The following SLC30A5 variants were observed in gnomAD, a reference collection of about 807,000 sequenced individuals.
SLC30A5 encodes solute carrier family 30 member 5.
In SLC30A5, 33 loss-of-function variants were observed where a neutral mutation model predicts 79.6. That is an observed-to-expected ratio of 0.41 (90% CI 0.31 to 0.55). SLC30A5 has a LOEUF of 0.55. SLC30A5 is among the 20% of genes least tolerant of loss of function. The pLI is 0.20. For missense variants in SLC30A5, 788 were observed against 928.1 expected (o/e 0.85, Z 1.96); for synonymous variants, 299 against 319.7 (o/e 0.94, Z 0.69).
intron 12 of SLC30A5, 131 bp from the exon 13 acceptor site, chr5:69,121,563 T>C: frequency 1.6e-6 from 1 of 619,724 alleles, no homozygotes; most frequent in Non-Finnish European, 2.7e-6. Context: ...TTACTGAAAC[T>C]TAGTAAGGTT....
At chr5:69,104,338 C>T (rs1035051809) in intron 3 of SLC30A5, 3 of 572,674 alleles carry the variant, frequency 5.2e-6, no homozygotes, top group Admixed American at 4.6e-5. Context: ...GGGCTTCATT[C>T]ACCACATTGG....
At position 69,104,032 on chromosome 5, in the gene SLC30A5, T is replaced by A. The variant is rs1746009354; in HGVS notation, c.274-599T>A. 4 of 1,565,868 alleles carry A rather than the reference T, an allele frequency of 2.6e-6. No individual in the cohort carries two copies. In the East Asian group the frequency reaches 9.0e-5, roughly 35 times the overall value. ...AAAAAGTTAAATGATCCTAGGAAAC[T>A]AGTGGGAAACTGAGAAATCATAAAA... On this transcript the variant is annotated intron_variant, in intron 3 of 15. Coordinates refer to ENST00000396591, the MANE Select transcript of SLC30A5 (RefSeq NM_022902.5).
intron 2 of SLC30A5, among the ~76,000 whole-genome samples, chr5:69,101,465 G>C (rs1467873504): frequency 6.6e-6 from 1 of 151,340 alleles, no homozygotes; most frequent in Non-Finnish European, 1.5e-5. Context: ...TTTTAATAGA[G>C]ACAGGGTTTC....
At chr5:69,114,733 C>A (rs1167196762) in intron 7 of SLC30A5, among the ~76,000 whole-genome samples, 1 of 152,130 alleles carries the variant, frequency 6.6e-6, no homozygotes, top group Admixed American at 6.5e-5. Flanking sequence ...GGCATGGTGG[C>A]ACATGCCTGT....
intron 4 of SLC30A5, among the ~76,000 whole-genome samples, chr5:69,107,614 A>C (rs2111957924): frequency 6.6e-6 from 1 of 152,298 alleles, no homozygotes; most frequent in East Asian, 1.9e-4. Flanking sequence ...GTAATGCATT[A>C]ACACTAGGTG....
chr5:69,129,367 C>A, intron 15 of SLC30A5, 80 bp from the exon 16 acceptor site: 1 of 967,262 alleles, frequency 1.0e-6, no homozygotes, highest in African/African-American at 1.7e-5. Flanking sequence ...CAACCCGTAT[C>A]AACTATGTAC....
Position 69,117,295 on chromosome 5 carries a change from C to T in SLC30A5, c.1338C>T (p.Ile446=). 6.2e-7 allele frequency: 1 copy of T among 1,613,764 alleles called. No individual in the cohort carries two copies. The highest frequency in any genetic ancestry group is 8.5e-7 in the Non-Finnish European group (1 of 1,179,888). Residue 446 remains isoleucine (I), a synonymous_variant, in exon 11 of 16, where the codon ATC becomes ATT. Transcript: ENST00000396591. ...TGCTGACCAATAGTCTGGGCCTGAT[C>T]TCGGATGGATTCCACATGCTTTTTG... is the stretch of plus-strand genomic sequence containing the variant. ...YGVLTNSLGL[I]SDGFHMLFDC... is the part of the protein sequence containing the mutation.
intron 5 of SLC30A5, among the ~76,000 whole-genome samples, chr5:69,108,821 C>CAAA (rs5868569): frequency 9.1e-5 from 9 of 99,050 alleles, no homozygotes; most frequent in African/African-American, 1.2e-4. Context: ...GACTCAGCCT[C>CAAA]AAAAAAAAAA....
intron 11 of SLC30A5, 122 bp downstream of exon 11, chr5:69,117,518 G>A (rs1746404031): frequency 1.1e-6 from 1 of 872,734 alleles, no homozygotes; most frequent in Non-Finnish European, 1.7e-6. Context: ...TTTAAAAAAT[G>A]TGAAGTAAAT....
chr5:69,128,110 T>C lies in SLC30A5; in HGVS notation c.2105T>C (p.Leu702Pro), dbSNP rs759698893. 6.2e-7 allele frequency: 1 copy of C among 1,611,532 alleles called. No homozygotes were observed. Among genetic ancestry groups the C allele is most frequent in the South Asian group, 1.1e-5 (1 of 90,722 alleles). The change falls in exon 15 of 16, where the codon CTA becomes CCA. Residue 702 changes from leucine (L) to proline (P), a missense_variant. Leu to Pro is a moderately conservative substitution (Grantham distance 98, BLOSUM62 -3). Coordinates refer to ENST00000396591, the MANE Select transcript of SLC30A5 (RefSeq NM_022902.5). ...TIHIQVTSDV[L>P]EQRIVQQVTG... ...CATATACAGGTGACATCTGATGTGCTAGAACAAAGAATAGTACAGCAGGTA... is the reference window on the plus strand; with the variant it reads ...CATATACAGGTGACATCTGATGTGCCAGAACAAAGAATAGTACAGCAGGTA...
chr5:69,094,680 T>C (rs1478673744), intron 1 of SLC30A5, among the ~76,000 whole-genome samples: 1 of 152,090 alleles, frequency 6.6e-6, no homozygotes, highest in Non-Finnish European at 1.5e-5. Flanking sequence ...TGGCGACTAC[T>C]TAACCTTTCT....
rs1286502468 is a variant in SLC30A5, at chr5:69,130,205, A to G, written c.*588A>G. 3 of 152,182 alleles carry G rather than the reference A, an allele frequency of 2.0e-5. No individual in the cohort carries two copies. The highest frequency in any genetic ancestry group is 4.8e-5 in the African/African-American group (2 of 41,464). The allele number at this position is 152,182 out of a possible 1,614,324, so 9.4% of individuals were successfully genotyped here. A position where few individuals can be genotyped will look rare whatever the true frequency, so the allele number is the denominator to read the frequency against. ...AGAATAGGGAAGTGTATAACATCACAGTTTTTGATGTATTACAAAAATCAA... is the reference window on the plus strand; with the variant it reads ...AGAATAGGGAAGTGTATAACATCACGGTTTTTGATGTATTACAAAAATCAA... On this transcript the variant is annotated 3_prime_UTR_variant, in exon 16 of 16. Transcript: ENST00000396591.
chr5:69,111,313 T>C (rs530369511), intron 5 of SLC30A5, among the ~76,000 whole-genome samples: 22 of 147,326 alleles, frequency 1.5e-4, no homozygotes, highest in East Asian at 4.0e-4. Flanking sequence ...TTTTCTTTTT[T>C]TTTTTTTTTG....
In SLC30A5 at chr5:69,129,587, A is replaced by G. The variant is rs772867002; in HGVS notation, c.2268A>G (p.Lys756=). ...LAMTKQMESM[K]YCKDGTYIM ...TGACAAAACAAATGGAATCCATGAAATACTGCAAAGATGGTACTTACATCA... is the reference window on the plus strand; with the variant it reads ...TGACAAAACAAATGGAATCCATGAAGTACTGCAAAGATGGTACTTACATCA... Residue 756 remains lysine, a synonymous_variant, in exon 16 of 16, where the codon AAA becomes AAG. Transcript: ENST00000396591. 35 of 1,613,108 alleles carry G rather than the reference A, an allele frequency of 2.2e-5. No homozygotes were observed. The highest frequency in any genetic ancestry group is 3.3e-5 in the Admixed American group (2 of 59,936).
intron 11 of SLC30A5, among the ~76,000 whole-genome samples, chr5:69,117,933 T>G (rs1180387947): frequency 1.3e-5 from 2 of 149,138 alleles, no homozygotes; most frequent in African/African-American, 4.9e-5. Context: ...CCCAGCACTT[T>G]GGGAGGCCGA....
At chr5:69,096,986 A>C (rs574469174) in intron 1 of SLC30A5, among the ~76,000 whole-genome samples, 22 of 150,972 alleles carry the variant, frequency 1.5e-4, no homozygotes, top group South Asian at 1.5e-3. Context: ...AAAAAACCCC[A>C]AAAAAACCCC....
At chr5:69,115,835 TTTTA>T in intron 8 of SLC30A5, 87 bp from the exon 9 acceptor site, 1 of 1,107,192 alleles carries the variant, frequency 9.0e-7, no homozygotes, top group Non-Finnish European at 1.3e-6. Flanking sequence ...ATCATGCGAT[TTTTA>T]TTTTTTTAAA....
intron 14 of SLC30A5, 179 bp downstream of exon 14, chr5:69,123,604 G>A (rs1746594960): frequency 1.8e-6 from 1 of 568,420 alleles, no homozygotes. Flanking sequence ...AGATATAAAT[G>A]AGAAAAATAC....
In SLC30A5 at chr5:69,128,108, G is replaced by A. The variant is rs776697752; in HGVS notation, c.2103G>A (p.Val701=). 6.2e-7 allele frequency: 1 copy of A among 1,611,098 alleles called. No individual in the cohort carries two copies. The highest frequency in any genetic ancestry group is 1.1e-5 in the South Asian group (1 of 90,644). The change falls in exon 15 of 16, where the codon GTG becomes GTA. Residue 701 remains valine (V), a synonymous_variant. Coordinates refer to ENST00000396591, the MANE Select transcript of SLC30A5 (RefSeq NM_022902.5). ...TTCATATACAGGTGACATCTGATGT[G>A]CTAGAACAAAGAATAGTACAGCAGG... ...GTIHIQVTSD[V]LEQRIVQQVT... is the part of the protein sequence containing the mutation.
Sources: allele counts gnomAD v4.1 joint callset (sites outside exome capture counted in the v4.1 genomes callset), GRCh38; gene constraint gnomAD v4.1.1; transcripts MANE v1.5; gene names NCBI Gene and HGNC (gene_info 2026-07-23, HGNC 2026-07-21).